The following CPOX variants were observed in gnomAD, a reference collection of about 807,000 sequenced individuals.
The protein encoded by CPOX is oxygen-dependent coproporphyrinogen-III oxidase, mitochondrial.
In CPOX, 24 loss-of-function variants were observed where a neutral mutation model predicts 48.9. The ratio of observed to expected loss-of-function variants is 0.49; its 90% CI spans 0.36 to 0.69. The LOEUF is 0.69. CPOX is among the 30% of genes least tolerant of loss of function. CPOX has a pLI of 0.00. For missense variants in CPOX, 549 were observed against 597.3 expected (o/e 0.92, Z 0.84); for synonymous variants, 249 against 234.6 (o/e 1.06, Z -0.56).
rs72924732 is a variant in CPOX, at chr3:98,585,860, C to A, written c.954-201G>T. 3.4e-3 allele frequency: 2,109 copies of A among 611,842 alleles called. 35 individuals carry two copies. The highest frequency in any genetic ancestry group is 0.031 in the African/African-American group (1,657 of 53,562). 37.9% of individuals were successfully genotyped at this position (611,842 alleles called of 1,614,324 possible). ...TATCACCAAGGTAGAAAATGCTTAT[C>A]CTCTTTTTCTTTTCTTTTCTTTTTT... On this transcript the variant is annotated intron_variant, in intron 4 of 6. Coordinates refer to ENST00000647941, the MANE Select transcript of CPOX (RefSeq NM_000097.7).
intron 1 of CPOX, among the ~76,000 whole-genome samples, chr3:98,591,753 T>C (rs1707482198): frequency 6.6e-6 from 1 of 152,190 alleles, no homozygotes; most frequent in African/African-American, 2.4e-5. Context: ...TGAAAGTTCA[T>C]GTTTGGCTTG....
chr3:98,587,360 C>A (rs979879809), intron 4 of CPOX, among the ~76,000 whole-genome samples: 2 of 151,892 alleles, frequency 1.3e-5, no homozygotes, highest in Non-Finnish European at 2.9e-5. Flanking sequence ...CTACTTATTT[C>A]CTAGTCAGTG....
rs1023622463 is a variant in CPOX, at chr3:98,579,754, A to T, written c.*929T>A. 5.1e-6 allele frequency: 5 copies of T among 985,294 alleles called. No homozygotes were observed. In the African/African-American group the frequency reaches 8.7e-5, roughly 17 times the overall value. The allele number at this position is 985,294 out of a possible 1,614,324, so 61.0% of individuals were successfully genotyped here. The stretch of plus-strand genomic sequence containing the variant: ...TTTCAATGTGTCCATTTTCCTAAGA[A>T]ACGTGTGTATGAAATGCCTCCAAGT... On this transcript the variant is annotated 3_prime_UTR_variant, in exon 7 of 7. Coordinates refer to ENST00000647941, the MANE Select transcript of CPOX (RefSeq NM_000097.7).
intron 3 of CPOX, chr3:98,589,514 A>AACACACACAGAC (rs1553696250): frequency 6.6e-6 from 1 of 151,846 alleles, no homozygotes; most frequent in Non-Finnish European, 1.5e-5. Context: ...GATCACAATA[A>AACACACACAGAC]ACACACACAC....
intron 4 of CPOX, 68 bp from the exon 5 acceptor site, chr3:98,585,727 C>T: frequency 1.6e-6 from 2 of 1,259,346 alleles, no homozygotes; most frequent in Non-Finnish European, 2.3e-6. Context: ...TCAATGTGAG[C>T]CTTTCAGGTT....
At chr3:98,591,239 C>T in intron 1 of CPOX, 84 bp from the exon 2 acceptor site, 1 of 1,448,872 alleles carries the variant, frequency 6.9e-7, no homozygotes, top group African/African-American at 1.4e-5. Context: ...TGGTTATTTT[C>T]CCGTTTCCCA....
the CPOX span, among the ~76,000 whole-genome samples, chr3:98,572,877 A>T: frequency 6.6e-6 from 1 of 152,168 alleles, no homozygotes; most frequent in Non-Finnish European, 1.5e-5. Context: ...TGAATAAGCA[A>T]TTTTTCAATT....
downstream of CPOX, among the ~76,000 whole-genome samples, chr3:98,576,648 C>T (rs1162454350): frequency 6.6e-6 from 1 of 152,132 alleles, no homozygotes; most frequent in African/African-American, 2.4e-5. Flanking sequence ...TTATGTGTTT[C>T]TTTGGGAAGA....
intron 3 of CPOX, chr3:98,590,409 A>G: frequency 3.6e-6 from 2 of 560,460 alleles, no homozygotes; most frequent in South Asian, 1.9e-5. Flanking sequence ...TCAGCCTCCC[A>G]AAGTGCTGGG....
intron 6 of CPOX, 47 bp from the exon 7 acceptor site, chr3:98,580,817 C>G (rs955978203): frequency 6.3e-7 from 1 of 1,591,294 alleles, no homozygotes; most frequent in South Asian, 1.1e-5. Flanking sequence ...AAAAATGACA[C>G]ACATACCTCT....
rs1416123171 is a variant in CPOX, at chr3:98,580,915, T to C, written c.1278-145A>G. 8 of 947,770 alleles carry C rather than the reference T, an allele frequency of 8.4e-6. No homozygotes were observed. In the Admixed American group the frequency reaches 2.3e-4, roughly 27 times the overall value. 58.7% of individuals were successfully genotyped at this position (947,770 alleles called of 1,614,324 possible). ...TTGTCTCTACTGTGCCTGATGTGCC[T>C]TGTACCAACTTGACCTTTAAAAAAA... On this transcript the variant is annotated intron_variant, in intron 6 of 6. Coordinates refer to ENST00000647941, the MANE Select transcript of CPOX (RefSeq NM_000097.7).
Position 98,580,617 on chromosome 3 carries a change from C to G in CPOX, c.*66G>C. The stretch of plus-strand genomic sequence containing the variant: ...TAACTGCCACACAGTGGCAAAGTGC[C>G]GACCAGTGGCATGGGGAGCACACAT... On this transcript the variant is annotated 3_prime_UTR_variant, in exon 7 of 7. Coordinates refer to ENST00000647941, the MANE Select transcript of CPOX (RefSeq NM_000097.7). The G allele has an allele frequency of 6.2e-7, 1 of 1,610,746 alleles. No homozygotes were observed. The highest frequency in any genetic ancestry group is 8.5e-7 in the Non-Finnish European group (1 of 1,178,284).
intron 5 of CPOX, among the ~76,000 whole-genome samples, chr3:98,582,476 C>A (rs1707275716): frequency 6.6e-6 from 1 of 151,896 alleles, no homozygotes; most frequent in Admixed American, 6.6e-5. Flanking sequence ...TCTAGATTCC[C>A]ACAATAATTT....
At position 98,580,688 on chromosome 3, in the gene CPOX, G is replaced by T; in HGVS notation, c.1360C>A (p.Arg454Ser). Residue 454 changes from arginine to serine, a missense_variant, in exon 7 of 7, where the codon CGT (arginine) becomes AGT (serine). Physicochemically the swap from Arg to Ser is moderately radical, Grantham distance 110. Coordinates refer to ENST00000647941, the MANE Select transcript of CPOX (RefSeq NM_000097.7). The part of the protein sequence containing the change: ...EVLRHPRDWV[R>S] Reference sequence around the variant, plus strand: ...GCACAGCCATTCTGCCTGCATCAACGCACCCAGTCCCTTGGATGGCGTAGA... The same window carrying T: ...GCACAGCCATTCTGCCTGCATCAACTCACCCAGTCCCTTGGATGGCGTAGA... The T allele has an allele frequency of 2.5e-6, 4 of 1,614,108 alleles. No homozygotes were observed. Among genetic ancestry groups the T allele is most frequent in the Non-Finnish European group, 3.4e-6 (4 of 1,179,998 alleles).
chr3:98,572,891 AGCT>A, the CPOX span, among the ~76,000 whole-genome samples: 1 of 152,232 alleles, frequency 6.6e-6, no homozygotes, highest in Non-Finnish European at 1.5e-5. Flanking sequence ...TTCAATTACA[AGCT>A]GCTGATTTTT....
At position 98,592,987 on chromosome 3, in the gene CPOX, C is replaced by G. The variant is rs779704663; in HGVS notation, c.518G>C (p.Gly173Ala). 1 of 1,613,742 alleles carries G rather than the reference C, an allele frequency of 6.2e-7. No individual in the cohort carries two copies. Among genetic ancestry groups the G allele is most frequent in the South Asian group, 1.1e-5 (1 of 90,970 alleles). ...CCACCGGTCCACAGAAAAGTTGGCGCCCCCGTCTACCTGTGCCAGAGCCTG... is the reference window on the plus strand; with the variant it reads ...CCACCGGTCCACAGAAAAGTTGGCGGCCCCGTCTACCTGTGCCAGAGCCTG... Reference protein sequence around the residue: ...VCQALAQVDGGANFSVDRWER... With the variant: ...VCQALAQVDGAANFSVDRWER... The change falls in exon 1 of 7, where the codon GGC (glycine) becomes GCC (alanine). Residue 173 changes from glycine (G) to alanine (A), a missense_variant. Physicochemically the swap from Gly to Ala is moderately conservative, Grantham distance 60. Around this residue, in one of 2 missense-constraint regions of CPOX, gnomAD observed 336 missense variants for 318.1 expected, o/e 1.06. Coordinates refer to ENST00000647941, the MANE Select transcript of CPOX (RefSeq NM_000097.7).
chr3:98,580,639 ACAT>A lies in CPOX; in HGVS notation c.*41_*43del. 1.9e-6 allele frequency: 3 copies of A among 1,611,968 alleles called. No individual in the cohort carries two copies. The highest frequency in any genetic ancestry group is 2.5e-6 in the Non-Finnish European group (3 of 1,179,214). On this transcript the variant is annotated 3_prime_UTR_variant, in exon 7 of 7. Transcript: ENST00000647941. ...TGCCGACCAGTGGCATGGGGAGCAC[ACAT>A]CGTGTGCCCTCCAAACCCCTGCACA...
In CPOX at chr3:98,590,722, T is replaced by C. The variant is rs767649799; in HGVS notation, c.721A>G (p.Met241Val). The C allele has an allele frequency of 6.2e-7, 1 of 1,613,832 alleles. No individual in the cohort carries two copies. Residue 241 changes from methionine to valine, a missense_variant, in exon 3 of 7, where the codon ATG (methionine) becomes GTG (valine). Physicochemically the swap from Met to Val is conservative, Grantham distance 21. Around this residue, in one of 2 missense-constraint regions of CPOX, gnomAD observed 213 missense variants for 279.1 expected, o/e 0.76. Coordinates refer to ENST00000647941, the MANE Select transcript of CPOX (RefSeq NM_000097.7). ...GGGTGGATAACAGAGCTCACGCCCA[T>C]AGCACAAAATGGCAATTTACCTGGA... Reference protein sequence around the residue: ...TKDGKLPFCAMGVSSVIHPKN... With the variant: ...TKDGKLPFCAVGVSSVIHPKN...
intron 3 of CPOX, chr3:98,589,534 C>CACACACACACAT (rs1226651698): frequency 3.9e-5 from 6 of 152,838 alleles, no homozygotes; most frequent in African/African-American, 9.7e-5. Context: ...CACACACACA[C>CACACACACACAT]ATCTCTGGCC....
Sources: allele counts gnomAD v4.1 joint callset (sites outside exome capture counted in the v4.1 genomes callset), GRCh38; gene constraint gnomAD v4.1.1; regional missense constraint gnomAD v4.1.1; transcripts MANE v1.5; gene names NCBI Gene and HGNC (gene_info 2026-07-23, HGNC 2026-07-21).